ZNF423: variants seen among roughly 807,000 people sequenced by gnomAD.
ZNF423 encodes Ebf-associated zinc finger protein.
Under a neutral mutation model 95.8 loss-of-function variants are expected in ZNF423, and 12 were observed. That is an observed-to-expected ratio of 0.13 (90% CI 0.08 to 0.20). The LOEUF is 0.20. ZNF423 is among the 10% of genes least tolerant of loss of function. ZNF423 has a pLI of 1.00. For missense variants in ZNF423, 1,316 were observed against 1,737.1 expected, an observed-to-expected ratio of 0.76 and a Z score of 4.31; for synonymous variants, 749 against 711.9, an observed-to-expected ratio of 1.05 and a Z score of -0.83.
At position 49,769,209 on chromosome 16, in the gene ZNF423, G is replaced by C. The variant is rs189935406; in HGVS notation, c.100+20278C>G. The stretch of plus-strand genomic sequence containing the variant: ...CATCTCTACTAAAAATAAAAAATTA[G>C]CCGGGCGTGGTGGTGGGCACCTGTA... On this transcript the variant is annotated intron_variant, in intron 2 of 7. Transcript: ENST00000563137. 6.3e-3 allele frequency among the ~76,000 whole-genome samples: 957 copies of C among 152,082 alleles called. 13 individuals are homozygous for C. The highest frequency in any genetic ancestry group is 0.022 in the African/African-American group (920 of 41,472).
At chr16:49,598,734 A>C in intron 5 of ZNF423, among the ~76,000 whole-genome samples, 1 of 152,116 alleles carries the variant, frequency 6.6e-6, no homozygotes, top group Non-Finnish European at 1.5e-5. Flanking sequence ...TGCTGAAGAA[A>C]CTCACTGCTT....
At chr16:49,531,115 G>C (rs757823286) in intron 5 of ZNF423, among the ~76,000 whole-genome samples, 1 of 152,152 alleles carries the variant, frequency 6.6e-6, no homozygotes, top group Non-Finnish European at 1.5e-5. Context: ...GTGACAGCGT[G>C]GGACAGTCCA....
intron 1 of ZNF423, among the ~76,000 whole-genome samples, chr16:49,842,680 C>G (rs909634005): frequency 4.0e-5 from 6 of 151,816 alleles, no homozygotes; most frequent in Non-Finnish European, 5.9e-5. Flanking sequence ...AAAAAGAAAA[C>G]GGAAAGAGAA....
At chr16:49,616,744 CAG>C in intron 5 of ZNF423, among the ~76,000 whole-genome samples, 1 of 152,244 alleles carries the variant, frequency 6.6e-6, no homozygotes, top group East Asian at 1.9e-4. Flanking sequence ...CTTGACAAGG[CAG>C]AGAGAGGGGG....
intron 5 of ZNF423, among the ~76,000 whole-genome samples, chr16:49,613,798 A>G (rs1387766186): frequency 6.6e-6 from 1 of 152,228 alleles, no homozygotes; most frequent in Non-Finnish European, 1.5e-5. Flanking sequence ...AATAAAAACA[A>G]AAACAAAAAA....
rs1446313843 is a variant in ZNF423 at position 49,492,861 on chromosome 16, AC to A, written c.3850-1558del. 6.6e-6 allele frequency among the ~76,000 whole-genome samples: 1 copy of A among 152,128 alleles called. No homozygotes were observed. The highest frequency in any genetic ancestry group is 1.9e-4 in the East Asian group (1 of 5,176). On this transcript the variant is annotated intron_variant, in intron 7 of 7. Coordinates refer to ENST00000563137, the MANE Select transcript of ZNF423 (RefSeq NM_001379286.1). The surrounding 1 kb of genome is among the most constrained non-coding windows in gnomAD (Gnocchi z 4.2). ...GCCCAAGGTCACCCAGGTTGGAAGC[AC>A]CGGGCACTGAACCAGATGGCTGGAA... is the stretch of plus-strand genomic sequence containing the variant.
At chr16:49,523,168 G>C (rs1052698116) in intron 7 of ZNF423, among the ~76,000 whole-genome samples, 2 of 152,090 alleles carry the variant, frequency 1.3e-5, no homozygotes, top group African/African-American at 4.8e-5. Flanking sequence ...TGGGGCAATC[G>C]GGCACCACTA....
At chr16:49,835,702 G>A (rs1286574145) in intron 1 of ZNF423, among the ~76,000 whole-genome samples, 2 of 152,224 alleles carry the variant, frequency 1.3e-5, no homozygotes, top group South Asian at 2.1e-4. Context: ...AAACCTCCAG[G>A]GTCCCCAGGT....
chr16:49,790,317 A>T (rs1348246359), intron 1 of ZNF423, among the ~76,000 whole-genome samples: 1 of 152,222 alleles, frequency 6.6e-6, no homozygotes, highest in Admixed American at 6.5e-5. Flanking sequence ...ACCATGAACC[A>T]CCCAGTTCTC....
At chr16:49,589,679 T>A (rs971019001) in intron 5 of ZNF423, among the ~76,000 whole-genome samples, 1 of 152,168 alleles carries the variant, frequency 6.6e-6, no homozygotes, top group Non-Finnish European at 1.5e-5. Context: ...GCAAGGCTGA[T>A]AATTTAAATG....
At chr16:49,747,446 A>G (rs781229415) in intron 2 of ZNF423, among the ~76,000 whole-genome samples, 2 of 152,212 alleles carry the variant, frequency 1.3e-5, no homozygotes, top group Non-Finnish European at 2.9e-5. Flanking sequence ...CAGAAACAAG[A>G]CATACAGGGA....
chr16:49,510,601 G>A (rs1400298454), intron 7 of ZNF423, among the ~76,000 whole-genome samples: 1 of 152,198 alleles, frequency 6.6e-6, no homozygotes, highest in Non-Finnish European at 1.5e-5. Context: ...ATGAGCCCAG[G>A]TGGTCTGACA....
rs1212113675 is a variant in ZNF423, at chr16:49,638,863, C to T, written c.313G>A (p.Asp105Asn). 1.2e-6 allele frequency: 2 copies of T among 1,604,196 alleles called. No individual in the cohort carries two copies. Among genetic ancestry groups the T allele is most frequent in the Admixed American group, 1.7e-5 (1 of 59,550 alleles). Residue 105 changes from aspartate to asparagine, a missense_variant, in exon 4 of 8, where the codon GAC becomes AAC. By Grantham distance (23) the Asp-to-Asn change is conservative (BLOSUM62 1). Coordinates refer to ENST00000563137, the MANE Select transcript of ZNF423 (RefSeq NM_001379286.1). The surrounding 1 kb of genome is among the most constrained non-coding windows in gnomAD (Gnocchi z 5.6). ...AHRCPGDGDD[D>N]PQLSWVASSP... ...GAGGCCACCCAGGAGAGTTGTGGGTCGTCATCACCATCTGCAAGAGAAGGC... is the reference window on the plus strand; with the variant it reads ...GAGGCCACCCAGGAGAGTTGTGGGTTGTCATCACCATCTGCAAGAGAAGGC...
chr16:49,614,437 C>T (rs1971812681), intron 5 of ZNF423, among the ~76,000 whole-genome samples: 3 of 152,104 alleles, frequency 2.0e-5, no homozygotes, highest in South Asian at 4.2e-4. Context: ...CTAGCAATTG[C>T]ACTCTTGGGA....
intron 4 of ZNF423, among the ~76,000 whole-genome samples, chr16:49,626,845 TC>T (rs1233767266): frequency 7.5e-6 from 1 of 133,786 alleles, no homozygotes; most frequent in Non-Finnish European, 1.6e-5. Flanking sequence ...AATAGACCCA[TC>T]CATCCATCCT....
At chr16:49,857,346 G>A (rs1406304938), upstream of ZNF423, among the ~76,000 whole-genome samples, 3 of 150,618 alleles carry the variant, frequency 2.0e-5, no homozygotes, top group East Asian at 3.9e-4. The surrounding 1 kb of genome is among the most constrained non-coding windows in gnomAD (Gnocchi z 6.2). Flanking sequence ...CGCGGGCGCG[G>A]GCACCGCACC....
intron 1 of ZNF423, among the ~76,000 whole-genome samples, chr16:49,832,392 G>C (rs1281304747): frequency 6.6e-6 from 1 of 152,204 alleles, no homozygotes; most frequent in Non-Finnish European, 1.5e-5. Flanking sequence ...TCTGAGCAAA[G>C]ACAAGCTCCT....
intron 3 of ZNF423, among the ~76,000 whole-genome samples, chr16:49,677,621 T>TA (rs912853616): frequency 2.0e-5 from 3 of 151,508 alleles, no homozygotes; most frequent in Admixed American, 6.6e-5. Flanking sequence ...CCTGTCTCTA[T>TA]AAAATTTTTT....
chr16:49,774,629 T>C (rs1251666972), intron 2 of ZNF423, among the ~76,000 whole-genome samples: 1 of 151,886 alleles, frequency 6.6e-6, no homozygotes, highest in Non-Finnish European at 1.5e-5. Flanking sequence ...ATAAGATGAG[T>C]AAATGCAATC....
Sources: gnomAD v4.1 joint callset for allele counts (sites outside exome capture counted in the v4.1 genomes callset) on GRCh38, gnomAD v4.1.1 for gene constraint, Gnocchi (gnomAD v3.1) non-coding constraint, MANE v1.5 for transcripts, NCBI Gene and HGNC (gene_info 2026-07-23, HGNC 2026-07-21) for gene names.